Variants in PRKG1 observed in about 807,000 individuals in gnomAD.
PRKG1 encodes the protein cGMP-dependent protein kinase 1.
In PRKG1, 35 loss-of-function variants were observed where a neutral mutation model predicts 88.1. The ratio of observed to expected loss-of-function variants is 0.40; its 90% CI spans 0.30 to 0.53. PRKG1 has a LOEUF of 0.53. Ranked by LOEUF, PRKG1 falls within the 20% of genes least tolerant of loss-of-function variation. The pLI is 0.59. For synonymous variants in PRKG1, 303 were observed against 292.5 expected, an observed-to-expected ratio of 1.04 and a Z score of -0.37; for missense variants, 540 against 839.8, an observed-to-expected ratio of 0.64 and a Z score of 4.41.
chr10:51,556,585 C>T (rs574362075), intron 3 of PRKG1, among the ~76,000 whole-genome samples: 81 of 152,092 alleles, frequency 5.3e-4, no homozygotes, highest in African/African-American at 1.8e-3. Flanking sequence ...ATGGATGCAG[C>T]TGGAGGCCAT....
Position 51,600,063 on chromosome 10 carries a change from A to G in PRKG1, c.592+132227A>G, listed in dbSNP as rs548170391. On this transcript the variant is annotated intron_variant, in intron 3 of 17. Coordinates refer to ENST00000373980, the MANE Select transcript of PRKG1 (RefSeq NM_006258.4). The stretch of plus-strand genomic sequence containing the variant: ...TACTATTATTTTTAAACTGATTTTC[A>G]TAATGTTAGATGAACTCAGATTTGA... Among the ~76,000 whole-genome samples the G allele has an allele frequency of 2.0e-5, 3 of 152,326 alleles. No homozygotes were observed. The South Asian group carries it at 6.2e-4, about 32-fold the overall frequency.
At chr10:52,120,033 C>T (rs985645248) in intron 7 of PRKG1, among the ~76,000 whole-genome samples, 2 of 150,876 alleles carry the variant, frequency 1.3e-5, no homozygotes, top group African/African-American at 4.9e-5. Flanking sequence ...GGCAGAGAGA[C>T]AGAGAGAGGG....
intron 4 of PRKG1, among the ~76,000 whole-genome samples, chr10:51,846,785 A>G (rs1246507490): frequency 6.6e-6 from 1 of 152,134 alleles, no homozygotes; most frequent in African/African-American, 2.4e-5. Flanking sequence ...TTTAAACTGA[A>G]TCATTTTTTT....
At chr10:51,577,235 A>G (rs976610428) in intron 3 of PRKG1, among the ~76,000 whole-genome samples, 7 of 151,996 alleles carry the variant, frequency 4.6e-5, no homozygotes, top group African/African-American at 1.7e-4. Context: ...ATGTGTTAGC[A>G]TTGTACACTT....
intron 2 of PRKG1, among the ~76,000 whole-genome samples, chr10:51,270,232 G>T (rs1282465192): frequency 6.6e-6 from 1 of 152,090 alleles, no homozygotes; most frequent in African/African-American, 2.4e-5. Context: ...ATGGACATAG[G>T]TTATGATTGA....
intron 2 of PRKG1, among the ~76,000 whole-genome samples, chr10:51,424,922 C>T (rs1028804428): frequency 6.6e-6 from 1 of 152,098 alleles, no homozygotes; most frequent in African/African-American, 2.4e-5. Flanking sequence ...TGCGGATATA[C>T]ATTTTTAAAA....
chr10:51,074,490 C>T lies in PRKG1; in HGVS notation c.-101C>T, dbSNP rs942423622. The stretch of plus-strand genomic sequence containing the variant: ...GTCTCAAGTAGGAAGCTTTGGCACT[C>T]GGGAGGCAGCGGCGACTTTGGGGAA... On this transcript the variant is annotated 5_prime_UTR_variant, in exon 1 of 18. Transcript: ENST00000373980. The T allele has an allele frequency of 8.1e-6, 12 of 1,485,568 alleles. No homozygotes were observed. In the African/African-American group the frequency reaches 1.3e-4, roughly 16 times the overall value. The allele number at this position is 1,485,568 out of a possible 1,614,324, so 92.0% of individuals were successfully genotyped here.
intron 1 of PRKG1, among the ~76,000 whole-genome samples, chr10:51,030,810 C>G (rs1843272741): frequency 6.6e-6 from 1 of 152,166 alleles, no homozygotes; most frequent in South Asian, 2.1e-4. Flanking sequence ...TAAAAGCTTC[C>G]TGAAGTCCTG....
At chr10:51,513,765 G>C (rs1309160956) in intron 3 of PRKG1, among the ~76,000 whole-genome samples, 51 of 81,234 alleles carry the variant, frequency 6.3e-4, no homozygotes, top group African/African-American at 2.0e-3. Context: ...ATAACGAAAT[G>C]AAGGCAGAAA....
chr10:50,997,304 CA>C (rs962538692), intron 1 of PRKG1, among the ~76,000 whole-genome samples: 6 of 152,156 alleles, frequency 3.9e-5, no homozygotes, highest in Admixed American at 2.0e-4. Context: ...GTGCATTTTC[CA>C]AATGTATTTC....
At chr10:51,775,100 G>A (rs1039867431) in intron 3 of PRKG1, among the ~76,000 whole-genome samples, 9 of 152,030 alleles carry the variant, frequency 5.9e-5, no homozygotes, top group African/African-American at 1.7e-4. Context: ...ATGACTGATT[G>A]GAACTCTATT....
intron 3 of PRKG1, chr10:51,697,127 A>T (rs1841315862): frequency 6.6e-6 from 1 of 152,294 alleles, no homozygotes; most frequent in African/African-American, 2.4e-5. Context: ...AAACAATTCT[A>T]ATACAAGTGT....
intron 3 of PRKG1, among the ~76,000 whole-genome samples, chr10:51,598,234 G>T (rs1397433102): frequency 2.0e-5 from 3 of 152,000 alleles, no homozygotes; most frequent in African/African-American, 7.3e-5. Flanking sequence ...TCAGGGAACT[G>T]CATCTTCATT....
Position 52,297,187 on chromosome 10 carries a change from T to C in PRKG1, c.*3287T>C, listed in dbSNP as rs537175711. The C allele has an allele frequency of 1.6e-4, 25 of 152,272 alleles. No individual in the cohort carries two copies. Among genetic ancestry groups the C allele is most frequent in the African/African-American group, 6.0e-4 (25 of 41,574 alleles). The allele number at this position is 152,272 out of a possible 1,614,324, so 9.4% of individuals were successfully genotyped here. A position where few individuals can be genotyped will look rare whatever the true frequency, so the allele number is the denominator to read the frequency against. On this transcript the variant is annotated 3_prime_UTR_variant, in exon 18 of 18. Transcript: ENST00000373980. ...TGGTACATATAACTTTTTTTAGTGT[T>C]TCACAGCATTATTATTTCATTTTAT...
upstream of PRKG1, chr10:51,074,349 G>T: frequency 9.9e-7 from 1 of 1,008,880 alleles, no homozygotes; most frequent in Non-Finnish European, 1.4e-6. Flanking sequence ...GGACCTGCTG[G>T]TTTGCTCTCC....
chr10:51,961,477 T>C (rs139318642), intron 5 of PRKG1, among the ~76,000 whole-genome samples: 35 of 152,336 alleles, frequency 2.3e-4, no homozygotes, highest in African/African-American at 7.5e-4. Context: ...GTATATATGG[T>C]TGCAGGAGTA....
intron 2 of PRKG1, among the ~76,000 whole-genome samples, chr10:51,278,567 G>A (rs188254170): frequency 7.4e-4 from 113 of 152,272 alleles, no homozygotes; most frequent in Non-Finnish European, 1.2e-3. Context: ...GAATTCGGCT[G>A]TGAATCCATC....
chr10:51,929,413 C>A (rs1465680836), intron 5 of PRKG1, among the ~76,000 whole-genome samples: 1 of 143,556 alleles, frequency 7.0e-6, no homozygotes, highest in Admixed American at 7.3e-5. Context: ...TACAGTGGCA[C>A]AATGTTGGCT....
At chr10:51,572,355 C>T (rs1019367387) in intron 3 of PRKG1, among the ~76,000 whole-genome samples, 6 of 151,860 alleles carry the variant, frequency 4.0e-5, no homozygotes, top group African/African-American at 1.4e-4. Flanking sequence ...CAGTTTAAAA[C>T]TAAGTGGCTT....
Sources: gnomAD v4.1 joint callset for allele counts (sites outside exome capture counted in the v4.1 genomes callset) on GRCh38, gnomAD v4.1.1 for gene constraint, MANE v1.5 for transcripts, NCBI Gene and HGNC (gene_info 2026-07-23, HGNC 2026-07-21) for gene names.